CDKAL1: variants seen among roughly 807,000 people sequenced by gnomAD.
CDKAL1 encodes CDKAL1 threonylcarbamoyladenosine tRNA methylthiotransferase.
CDKAL1 carries 32 observed loss-of-function variants against 68.2 expected under a neutral mutation model. That is an observed-to-expected ratio of 0.47 (90% CI 0.35 to 0.63). The LOEUF (loss-of-function observed/expected upper bound fraction) is 0.63. Ranked by LOEUF, CDKAL1 falls within the 30% of genes least tolerant of loss-of-function variation. CDKAL1 has a pLI of 0.00. For missense variants in CDKAL1, 606 were observed against 696.7 expected (o/e 0.87, Z 1.47); for synonymous variants, 234 against 244.3 (o/e 0.96, Z 0.39).
At chr6:20,807,814 C>G (rs1267178498) in intron 8 of CDKAL1, among the ~76,000 whole-genome samples, 1 of 152,128 alleles carries the variant, frequency 6.6e-6, no homozygotes, top group East Asian at 1.9e-4. Context: ...AAATTTGCAG[C>G]AGATAAATAT....
At chr6:21,041,714 T>C (rs1769943881) in intron 11 of CDKAL1, among the ~76,000 whole-genome samples, 1 of 152,126 alleles carries the variant, frequency 6.6e-6, no homozygotes, top group South Asian at 2.1e-4. Context: ...GGTTTTTGTA[T>C]AGCATTTAAA....
intron 5 of CDKAL1, among the ~76,000 whole-genome samples, chr6:20,695,431 A>G (rs144134815): frequency 2.0e-5 from 3 of 152,332 alleles, no homozygotes; most frequent in African/African-American, 4.8e-5. Flanking sequence ...AGATCCAGCT[A>G]GATGCTCTGG....
intron 11 of CDKAL1, among the ~76,000 whole-genome samples, chr6:21,042,904 C>T (rs1046173496): frequency 3.3e-5 from 5 of 152,110 alleles, no homozygotes; most frequent in African/African-American, 4.8e-5. Flanking sequence ...TCTACCTGAA[C>T]GCCTCTGCTC....
intron 11 of CDKAL1, among the ~76,000 whole-genome samples, chr6:21,049,711 A>T (rs1770435225): frequency 6.6e-6 from 1 of 152,014 alleles, no homozygotes; most frequent in African/African-American, 2.4e-5. Context: ...GATTCATTTG[A>T]TGTGTGCTTG....
chr6:21,157,912 T>G (rs957164794), intron 13 of CDKAL1, among the ~76,000 whole-genome samples: 5 of 152,368 alleles, frequency 3.3e-5, no homozygotes, highest in African/African-American at 1.2e-4. Context: ...AAAAGAAATG[T>G]TATTCAGAGA....
rs1763609015 is a variant in CDKAL1, at chr6:20,546,483, A to G, written c.133A>G (p.Lys45Glu). ...VPKVRRRNTQ[K>E]YLQEEENSPP... ...GAAGGTACGAAGGCGAAATACCCAAAAATATTTGCAAGAGGAAGAAAACAG... is the reference window on the plus strand; with the variant it reads ...GAAGGTACGAAGGCGAAATACCCAAGAATATTTGCAAGAGGAAGAAAACAG... Residue 45 changes from lysine (K) to glutamate (E), a missense_variant, in exon 3 of 16, where the codon AAA becomes GAA. Lys to Glu is a moderately conservative substitution (Grantham distance 56). Transcript: ENST00000274695. The G allele has an allele frequency of 6.2e-7, 1 of 1,614,132 alleles. No individual in the cohort carries two copies. The highest frequency in any genetic ancestry group is 8.5e-7 in the Non-Finnish European group (1 of 1,180,008).
At chr6:20,748,674 G>A (rs184563406) in intron 6 of CDKAL1, among the ~76,000 whole-genome samples, 1 of 148,054 alleles carries the variant, frequency 6.8e-6, no homozygotes, top group East Asian at 2.0e-4. Context: ...AGAGCCTAGA[G>A]ATAAAGCCAA....
chr6:21,144,726 G>T (rs1226567999), intron 13 of CDKAL1, among the ~76,000 whole-genome samples: 1 of 151,908 alleles, frequency 6.6e-6, no homozygotes, highest in Non-Finnish European at 1.5e-5. Context: ...CCTGAGCCCA[G>T]GAGGTGGAGG....
chr6:20,869,854 C>T (rs1485397374), intron 9 of CDKAL1, among the ~76,000 whole-genome samples: 1 of 152,000 alleles, frequency 6.6e-6, no homozygotes, highest in Non-Finnish European at 1.5e-5. Context: ...CATCTGATGG[C>T]TGATTTTTTA....
chr6:20,665,171 G>A (rs1432953240), intron 5 of CDKAL1, among the ~76,000 whole-genome samples: 7 of 152,064 alleles, frequency 4.6e-5, no homozygotes, highest in Admixed American at 4.6e-4. Context: ...CTGGGGCAGT[G>A]TCTTGAAAAC....
At chr6:20,891,777 C>T (rs543677675) in intron 9 of CDKAL1, among the ~76,000 whole-genome samples, 43 of 152,294 alleles carry the variant, frequency 2.8e-4, no homozygotes, top group Middle Eastern at 3.4e-3. Context: ...TCGTGATCCA[C>T]CCGCCTTGGC....
At chr6:20,657,149 A>C (rs1769063846) in intron 5 of CDKAL1, among the ~76,000 whole-genome samples, 1 of 152,218 alleles carries the variant, frequency 6.6e-6, no homozygotes, top group South Asian at 2.1e-4. Context: ...AAAACAGCAA[A>C]GATGAGTAGT....
chr6:20,728,876 T>C (rs1772777198), intron 5 of CDKAL1, among the ~76,000 whole-genome samples: 1 of 151,832 alleles, frequency 6.6e-6, no homozygotes, highest in Non-Finnish European at 1.5e-5. Context: ...TCTTTTTTTA[T>C]TTTTTTTGAC....
At chr6:20,800,236 T>C (rs2150404701) in intron 8 of CDKAL1, among the ~76,000 whole-genome samples, 1 of 152,316 alleles carries the variant, frequency 6.6e-6, no homozygotes, top group South Asian at 2.1e-4. Context: ...CAGTGTGAGA[T>C]AGGGTTACAA....
intron 12 of CDKAL1, among the ~76,000 whole-genome samples, chr6:21,075,383 A>G (rs1772016080): frequency 6.6e-6 from 1 of 152,142 alleles, no homozygotes; most frequent in Admixed American, 6.5e-5. Flanking sequence ...AATTGTTTGT[A>G]TTCTTAATTA....
chr6:20,945,077 C>CACGT lies in CDKAL1; in HGVS notation c.743-10340_743-10339insGTAC, dbSNP rs756014154. ...GCATATGTGCACACACACGTACACA[C>CACGT]ACACACACACACACACACAACCTTT... On this transcript the variant is annotated intron_variant, in intron 9 of 15. Coordinates refer to ENST00000274695, the MANE Select transcript of CDKAL1 (RefSeq NM_017774.3). Among the ~76,000 whole-genome samples the CACGT allele has an allele frequency of 1.8e-3, 277 of 151,698 alleles. 1 individual carries two copies. Among genetic ancestry groups the CACGT allele is most frequent in the Non-Finnish European group, 2.9e-3 (195 of 67,898 alleles).
At chr6:20,637,366 C>T (rs1018423853) in intron 4 of CDKAL1, among the ~76,000 whole-genome samples, 24 of 152,196 alleles carry the variant, frequency 1.6e-4, no homozygotes, top group Admixed American at 1.2e-3. Flanking sequence ...AGTTCAAGAC[C>T]AGCCTGGCCA....
intron 13 of CDKAL1, among the ~76,000 whole-genome samples, chr6:21,173,692 A>G (rs1777477450): frequency 6.6e-6 from 1 of 152,238 alleles, no homozygotes; most frequent in African/African-American, 2.4e-5. Flanking sequence ...AGATGAATAC[A>G]CAAGCAATTA....
chr6:20,978,970 G>T (rs1765975766), intron 10 of CDKAL1, among the ~76,000 whole-genome samples: 1 of 151,972 alleles, frequency 6.6e-6, no homozygotes. Context: ...TTAATTTTAG[G>T]CTCCTATAAT....
Sources: allele counts gnomAD v4.1 joint callset (sites outside exome capture counted in the v4.1 genomes callset), GRCh38; gene constraint gnomAD v4.1.1; transcripts MANE v1.5; gene names NCBI Gene and HGNC (gene_info 2026-07-23, HGNC 2026-07-21).